RNF152: variants seen among roughly 807,000 people sequenced by gnomAD.
RNF152 encodes the protein E3 ubiquitin-protein ligase RNF152.
In RNF152, 11 loss-of-function variants were observed where a neutral mutation model predicts 12.7. That is an observed-to-expected ratio of 0.86 (90% confidence interval 0.54 to 1.43). RNF152 has a LOEUF of 1.43. Ranked by LOEUF, RNF152 falls within the 40% of genes most tolerant of loss-of-function variation. The pLI, the probability that RNF152 is intolerant of heterozygous loss-of-function variation, is 0.00. For synonymous variants in RNF152, 113 were observed against 120.3 expected, an observed-to-expected ratio of 0.94 and a Z score of 0.40; for missense variants, 255 against 274.8, an observed-to-expected ratio of 0.93 and a Z score of 0.51.
chr18:61,858,483 C>T (rs983533767), intron 1 of RNF152, among the ~76,000 whole-genome samples: 3 of 152,112 alleles, frequency 2.0e-5, no homozygotes, highest in South Asian at 2.1e-4. Flanking sequence ...GATCCAGCCA[C>T]CTCTAGAAAT....
chr18:61,815,933 G>A lies in RNF152; in HGVS notation c.531C>T (p.Cys177=), dbSNP rs371471017. The A allele has an allele frequency of 1.2e-6, 2 of 1,614,222 alleles. No individual in the cohort carries two copies. The highest frequency in any genetic ancestry group is 1.7e-6 in the Non-Finnish European group (2 of 1,180,040). The change falls in exon 2 of 2, where the codon TGC becomes TGT. Residue 177 remains cysteine (C), a synonymous_variant. Coordinates refer to ENST00000312828, the MANE Select transcript of RNF152 (RefSeq NM_173557.3). ...SGVCTVILVA[C]VLVFLLGIVL... ...CGATGCCGAGGAGGAAGACCAAGAC[G>A]CAAGCCACCAAGATGACAGTGCACA...
intron 1 of RNF152, among the ~76,000 whole-genome samples, chr18:61,821,907 T>C (rs1403790500): frequency 6.6e-6 from 1 of 152,168 alleles, no homozygotes; most frequent in Non-Finnish European, 1.5e-5. Flanking sequence ...CATCGGTCCC[T>C]ACCCATCCGT....
intron 1 of RNF152, among the ~76,000 whole-genome samples, chr18:61,847,082 C>A (rs181360480): frequency 6.6e-6 from 1 of 152,010 alleles, no homozygotes; most frequent in Non-Finnish European, 1.5e-5. Context: ...CAGCAAACAC[C>A]GGTACTCCTC....
At position 61,811,225 on chromosome 18, in the gene RNF152, G is replaced by C. The variant is rs1912965603; in HGVS notation, c.*4627C>G. ...ACTAACCAATTTTGAAACAACATAAGTTTTCAAATAAAGGGATGGGAACTC... is the reference window on the plus strand; with the variant it reads ...ACTAACCAATTTTGAAACAACATAACTTTTCAAATAAAGGGATGGGAACTC... On this transcript the variant is annotated 3_prime_UTR_variant, in exon 2 of 2. Coordinates refer to ENST00000312828, the MANE Select transcript of RNF152 (RefSeq NM_173557.3). 1 of 152,010 alleles carries C rather than the reference G, an allele frequency of 6.6e-6. No individual in the cohort carries two copies. The highest frequency in any genetic ancestry group is 2.4e-5 in the African/African-American group (1 of 41,372). 9.4% of individuals were successfully genotyped at this position (152,010 alleles called of 1,614,324 possible). A position where few individuals can be genotyped will look rare whatever the true frequency, so the allele number is the denominator to read the frequency against.
intron 1 of RNF152, among the ~76,000 whole-genome samples, chr18:61,850,470 T>C (rs1390722060): frequency 6.6e-6 from 1 of 152,194 alleles, no homozygotes; most frequent in Admixed American, 6.5e-5. Context: ...TCTTTTCTAC[T>C]CTTGAAAAGC....
At chr18:61,823,205 G>A (rs962914769) in intron 1 of RNF152, among the ~76,000 whole-genome samples, 1 of 152,200 alleles carries the variant, frequency 6.6e-6, no homozygotes, top group Non-Finnish European at 1.5e-5. Context: ...CCATTGGCTC[G>A]AGCTCTAATA....
chr18:61,875,802 C>T (rs903689826), intron 1 of RNF152, among the ~76,000 whole-genome samples: 10 of 152,128 alleles, frequency 6.6e-5, no homozygotes, highest in African/African-American at 2.2e-4. Flanking sequence ...CCATTCCTGC[C>T]ACCCTCCCCA....
intron 1 of RNF152, among the ~76,000 whole-genome samples, chr18:61,847,413 T>C (rs1174097072): frequency 6.6e-6 from 1 of 152,196 alleles, no homozygotes; most frequent in East Asian, 1.9e-4. Flanking sequence ...TCAGAGCTGG[T>C]CAAACAGTGG....
rs145819153 is a variant in RNF152, at chr18:61,881,657, T to C, written c.-136+11138A>G. 5.1e-3 allele frequency among the ~76,000 whole-genome samples: 773 copies of C among 152,344 alleles called. 6 individuals carry two copies. Among genetic ancestry groups the C allele is most frequent in the African/African-American group, 0.018 (746 of 41,580 alleles). On this transcript the variant is annotated intron_variant, in intron 1 of 1. Coordinates refer to ENST00000312828, the MANE Select transcript of RNF152 (RefSeq NM_173557.3). ...AATCCAAAATTGATTATCACTGTCT[T>C]CCTAATTTATAAGGAATTCTAAATT...
rs558178670 is a variant in RNF152, at chr18:61,844,252, G to A, written c.-135-27654C>T. Among the ~76,000 whole-genome samples, 12 of 147,308 alleles carry A rather than the reference G, an allele frequency of 8.1e-5. No homozygotes were observed. The South Asian group carries it at 2.5e-3, about 31-fold the overall frequency. On this transcript the variant is annotated intron_variant, in intron 1 of 1. Coordinates refer to ENST00000312828, the MANE Select transcript of RNF152 (RefSeq NM_173557.3). ...GAGACGGGAGGGGAGGGGAGGGCAGGCCCCATAGTATCTAGGAATCTAAAA... is the reference window on the plus strand; with the variant it reads ...GAGACGGGAGGGGAGGGGAGGGCAGACCCCATAGTATCTAGGAATCTAAAA...
intron 1 of RNF152, among the ~76,000 whole-genome samples, chr18:61,825,671 GT>G (rs1909627150): frequency 6.6e-6 from 1 of 152,138 alleles, no homozygotes; most frequent in Non-Finnish European, 1.5e-5. Context: ...AGGGCTGAGA[GT>G]TGTGCCTTAG....
At chr18:61,885,339 G>T (rs1447007079) in intron 1 of RNF152, among the ~76,000 whole-genome samples, 1 of 140,896 alleles carries the variant, frequency 7.1e-6, no homozygotes, top group African/African-American at 2.7e-5. Context: ...ACAGAGCCTC[G>T]GTCTTTTGCC....
chr18:61,845,917 G>T (rs1462199539), intron 1 of RNF152, among the ~76,000 whole-genome samples: 6 of 149,382 alleles, frequency 4.0e-5, no homozygotes. Flanking sequence ...GTGGGGCTTT[G>T]TGTGGGGGGG....
intron 1 of RNF152, among the ~76,000 whole-genome samples, chr18:61,881,984 C>G (rs1599325371): frequency 1.3e-5 from 2 of 152,264 alleles, no homozygotes; most frequent in Admixed American, 1.3e-4. Context: ...TTTAATAGAT[C>G]TGACACCTCT....
chr18:61,855,733 T>C (rs1599300161), intron 1 of RNF152, among the ~76,000 whole-genome samples: 1 of 152,094 alleles, frequency 6.6e-6, no homozygotes, highest in South Asian at 2.1e-4. Flanking sequence ...CCTTGGCAGG[T>C]GTGGAATCTG....
chr18:61,846,320 C>T (rs1001583755), intron 1 of RNF152, among the ~76,000 whole-genome samples: 4 of 152,132 alleles, frequency 2.6e-5, no homozygotes, highest in African/African-American at 9.7e-5. Flanking sequence ...GTAATAAAAA[C>T]TCAAAGGTAC....
intron 1 of RNF152, among the ~76,000 whole-genome samples, chr18:61,819,848 C>G (rs1909294368): frequency 6.6e-6 from 1 of 151,342 alleles, no homozygotes; most frequent in Admixed American, 6.6e-5. Flanking sequence ...TAACGAGACT[C>G]TGTCTCTACT....
chr18:61,845,923 G>C (rs1398314095), intron 1 of RNF152, among the ~76,000 whole-genome samples: 1 of 151,570 alleles, frequency 6.6e-6, no homozygotes, highest in Non-Finnish European at 1.5e-5. Flanking sequence ...CTTTGTGTGG[G>C]GGGGCGTGGT....
chr18:61,847,390 G>A (rs558596334), intron 1 of RNF152, among the ~76,000 whole-genome samples: 3 of 152,254 alleles, frequency 2.0e-5, no homozygotes, highest in Non-Finnish European at 4.4e-5. Flanking sequence ...AAAGAGGTTT[G>A]GTATTGTTAC....
Sources: allele counts gnomAD v4.1 joint callset (sites outside exome capture counted in the v4.1 genomes callset), GRCh38; gene constraint gnomAD v4.1.1; transcripts MANE v1.5; gene names NCBI Gene and HGNC (gene_info 2026-07-23, HGNC 2026-07-21).